The following FMNL3 variants were observed in gnomAD, a reference collection of about 807,000 sequenced individuals.
FMNL3 encodes formin-like protein 3.
Under a neutral mutation model 119.6 loss-of-function variants are expected in FMNL3, and 57 were observed. That is an observed-to-expected ratio of 0.48 (90% CI 0.39 to 0.59). The LOEUF is 0.59. Among genes scored for constraint, FMNL3 ranks in the 20% least tolerant of loss-of-function variants. The pLI is 0.00. For missense variants in FMNL3, 1,053 were observed against 1,323.5 expected (o/e 0.80, Z 3.17); for synonymous variants, 491 against 507.3 (o/e 0.97, Z 0.43).
At chr12:49,706,917 G>A in intron 1 of FMNL3, 138 bp downstream of exon 1, 1 of 1,046,470 alleles carries the variant, frequency 9.6e-7, no homozygotes, top group Non-Finnish European at 1.3e-6. Context: ...AGGTTCCTGG[G>A]AAGACACTGG....
chr12:49,637,854 C>A lies in FMNL3; in HGVS notation c.*7961G>T. On this transcript the variant is annotated 3_prime_UTR_variant, in exon 26 of 26. Coordinates refer to ENST00000335154, the MANE Select transcript of FMNL3 (RefSeq NM_175736.5). ...GGGAGGCTGGGGTTATGGATGGATA[C>A]AGGATGGATGCAGGGCACACTCCCT... 7.8e-6 allele frequency: 12 copies of A among 1,541,008 alleles called. No homozygotes were observed. Among genetic ancestry groups the A allele is most frequent in the Non-Finnish European group, 1.1e-5 (12 of 1,115,516 alleles).
At position 49,648,256 on chromosome 12, in the gene FMNL3, C is replaced by G. The variant is rs542555122; in HGVS notation, c.2613G>C (p.Arg871=). 1.9e-4 allele frequency: 300 copies of G among 1,614,044 alleles called. 3 individuals are homozygous for G. In the South Asian group the frequency reaches 3.2e-3, roughly 17 times the overall value. ...TGCCTTCATTGGTACTGAGGAAGTT[C>G]CGGAGGACGCTGTTGTCATGGATGC... ...ECSIHDNSVL[R]NFLSTNEGKL... The change falls in exon 22 of 26, where the codon CGG becomes CGC. Residue 871 remains arginine, a synonymous_variant. Coordinates refer to ENST00000335154, the MANE Select transcript of FMNL3 (RefSeq NM_175736.5).
intron 1 of FMNL3, among the ~76,000 whole-genome samples, chr12:49,703,705 A>G (rs1039663460): frequency 3.9e-5 from 6 of 152,150 alleles, no homozygotes; most frequent in Non-Finnish European, 8.8e-5. Context: ...CTGGGTTAGG[A>G]TTCTTGGAAT....
intron 1 of FMNL3, among the ~76,000 whole-genome samples, chr12:49,702,502 G>A (rs1306342992): frequency 6.6e-6 from 1 of 152,052 alleles, no homozygotes; most frequent in Non-Finnish European, 1.5e-5. Flanking sequence ...TTTCTGAATT[G>A]TCCCATACTT....
chr12:49,693,679 G>A (rs532095382), intron 1 of FMNL3, among the ~76,000 whole-genome samples: 99 of 93,866 alleles, frequency 1.1e-3, no homozygotes, highest in Non-Finnish European at 1.4e-3. Context: ...ACAGAGTTTC[G>A]CTCTTGTTGC....
rs773190923 is a variant in FMNL3, at chr12:49,649,505, C to G, written c.2269G>C (p.Val757Leu). The change falls in exon 19 of 26, where the codon GTC becomes CTC. Residue 757 changes from valine (V) to leucine (L), a missense_variant. Around this residue, in one of 4 missense-constraint regions of FMNL3, gnomAD observed 324 missense variants for 380.9 expected, o/e 0.85. Transcript: ENST00000335154. The surrounding 1 kb of genome is among the most constrained non-coding windows in gnomAD (Gnocchi z 5.6). ...TGCTTCAGCTTCTGTGAAGACTTGA[C>G]GGAAGCGGACGCCGCAATGATGGCA... ...LNAIIAASAS[V>L]KSSQKLKQML... The G allele has an allele frequency of 6.2e-7, 1 of 1,613,980 alleles. No individual in the cohort carries two copies. Among genetic ancestry groups the G allele is most frequent in the Admixed American group, 1.7e-5 (1 of 59,998 alleles).
At chr12:49,705,627 C>T (rs1210147566) in intron 1 of FMNL3, among the ~76,000 whole-genome samples, 1 of 152,236 alleles carries the variant, frequency 6.6e-6, no homozygotes, top group African/African-American at 2.4e-5. Flanking sequence ...CACTAAGTCC[C>T]AGTCTCTCCT....
rs752204001 is a variant in FMNL3 at position 49,636,797 on chromosome 12, G to T, written c.*9018C>A. 6.2e-7 allele frequency: 1 copy of T among 1,614,112 alleles called. No individual in the cohort carries two copies. The highest frequency in any genetic ancestry group is 1.3e-5 in the African/African-American group (1 of 74,930). ...AGGGAAGAGGAGGAGGAACGGGAGC[G>T]GGCCCGGCTTCGGGAGCGACGCCAA... On this transcript the variant is annotated 3_prime_UTR_variant, in exon 26 of 26. Coordinates refer to ENST00000335154, the MANE Select transcript of FMNL3 (RefSeq NM_175736.5).
chr12:49,695,047 A>C (rs1479657753), intron 1 of FMNL3, among the ~76,000 whole-genome samples: 1 of 152,168 alleles, frequency 6.6e-6, no homozygotes. Flanking sequence ...AAAAAAGTAA[A>C]CATTATAGCT....
At chr12:49,664,660 C>G (rs550782349) in intron 4 of FMNL3, among the ~76,000 whole-genome samples, 3 of 152,280 alleles carry the variant, frequency 2.0e-5, no homozygotes, top group Non-Finnish European at 1.5e-5. Flanking sequence ...CTTTCAATGT[C>G]TGATTCACAG....
At chr12:49,694,905 T>A (rs998115525) in intron 1 of FMNL3, among the ~76,000 whole-genome samples, 112 of 151,398 alleles carry the variant, frequency 7.4e-4, no homozygotes, top group African/African-American at 2.7e-3. Flanking sequence ...AGAGCGAAAC[T>A]CCGTCTCAAA....
intron 1 of FMNL3, among the ~76,000 whole-genome samples, chr12:49,696,402 A>G (rs1944751393): frequency 1.3e-5 from 2 of 152,186 alleles, no homozygotes; most frequent in South Asian, 2.1e-4. Context: ...AAGGTTTTCA[A>G]TTCTTACTAC....
rs1481184674 is a variant in FMNL3 at position 49,707,187 on chromosome 12, GGGGCCCCCTCA to G, written c.-18_-8del. On this transcript the variant is annotated 5_prime_UTR_variant, in exon 1 of 26. Coordinates refer to ENST00000335154, the MANE Select transcript of FMNL3 (RefSeq NM_175736.5). Reference sequence around the variant, plus strand: ...CGCTCTCCAGGTTGCCCATCGCGGCGGGGCCCCCTCAGGGGCCTCGGCCCCCCACCTCCACG... The same window carrying G: ...CGCTCTCCAGGTTGCCCATCGCGGCGGGGGCCTCGGCCCCCCACCTCCACG... 3 of 1,541,002 alleles carry G rather than the reference GGGGCCCCCTCA, an allele frequency of 1.9e-6. No homozygotes were observed. The East Asian group carries it at 7.3e-5, about 38-fold the overall frequency.
chr12:49,643,341 G>A lies in FMNL3; in HGVS notation c.*2474C>T. ...TCTTCCTCACTTGATTCAGTTGAAA[G>A]TGGGGGTGCTGCCCTTGGAGGACGG... is the stretch of plus-strand genomic sequence containing the variant. On this transcript the variant is annotated 3_prime_UTR_variant, in exon 26 of 26. Transcript: ENST00000335154. The A allele has an allele frequency of 6.2e-7, 1 of 1,605,722 alleles. No homozygotes were observed. Among genetic ancestry groups the A allele is most frequent in the South Asian group, 1.1e-5 (1 of 89,964 alleles).
Position 49,646,817 on chromosome 12 carries a change from A to G in FMNL3, c.2995+69T>C. 3.7e-6 allele frequency: 6 copies of G among 1,605,772 alleles called. No homozygotes were observed. The South Asian group carries it at 6.7e-5, about 18-fold the overall frequency. ...GGGGGGTGGGGTGGGAGGAGAGCCC[A>G]AAGGGGTTAGGTTGAGCTTTGGGAG... On this transcript the variant is annotated intron_variant, in intron 25 of 25. Coordinates refer to ENST00000335154, the MANE Select transcript of FMNL3 (RefSeq NM_175736.5).
intron 25 of FMNL3, chr12:49,646,514 G>A (rs1943194885): frequency 2.8e-6 from 2 of 704,832 alleles, no homozygotes; most frequent in Non-Finnish European, 4.6e-6. Context: ...AGAAGTATGT[G>A]TCCCCATTGC....
At chr12:49,676,520 GTTTTTTTTTT>G (rs58117011) in intron 1 of FMNL3, among the ~76,000 whole-genome samples, 5 of 102,996 alleles carry the variant, frequency 4.9e-5, no homozygotes, top group Non-Finnish European at 8.0e-5. Flanking sequence ...TTCATAGTGG[GTTTTTTTTTT>G]TTTTTTTTTT....
chr12:49,684,807 T>C (rs1056620542), intron 1 of FMNL3, among the ~76,000 whole-genome samples: 2 of 152,222 alleles, frequency 1.3e-5, no homozygotes, highest in Non-Finnish European at 2.9e-5. Context: ...TCACCAAGTG[T>C]CCTGCCTGCC....
At chr12:49,671,233 G>T (rs57703598) in intron 1 of FMNL3, among the ~76,000 whole-genome samples, 5 of 152,236 alleles carry the variant, frequency 3.3e-5, no homozygotes, top group Non-Finnish European at 2.9e-5. Context: ...TCACCCCCTT[G>T]GGGAGTCCTG....
Sources: allele counts gnomAD v4.1 joint callset (sites outside exome capture counted in the v4.1 genomes callset), GRCh38; gene constraint gnomAD v4.1.1; regional missense constraint gnomAD v4.1.1; non-coding constraint Gnocchi (gnomAD v3.1); transcripts MANE v1.5; gene names NCBI Gene and HGNC (gene_info 2026-07-23, HGNC 2026-07-21).